The following LARGE1 variants were observed in gnomAD, a reference collection of about 807,000 sequenced individuals.
LARGE1 encodes the protein xylosyl- and glucuronyltransferase LARGE1.
LARGE1 carries 43 observed loss-of-function variants against 87.6 expected under a neutral mutation model. The observed-to-expected ratio is 0.49, with a 90% CI of 0.38 to 0.63. The LOEUF (loss-of-function observed/expected upper bound fraction) is 0.63, where lower values mean the gene tolerates loss of function less well. Among genes scored for constraint, LARGE1 ranks in the 30% least tolerant of loss-of-function variants. The pLI, the probability that LARGE1 is intolerant of heterozygous loss-of-function variation, is 0.00. For missense variants in LARGE1, 802 were observed against 1,000.2 expected, an observed-to-expected ratio of 0.80 and a Z score of 2.67; for synonymous variants, 434 against 394.6, an observed-to-expected ratio of 1.10 and a Z score of -1.18.
intron 11 of LARGE1, among the ~76,000 whole-genome samples, chr22:33,203,494 G>C (rs772947844): frequency 1.3e-5 from 2 of 152,164 alleles, no homozygotes; most frequent in Non-Finnish European, 2.9e-5. Context: ...TCGATTCCCA[G>C]GTGTGCCCAC....
intron 2 of LARGE1, among the ~76,000 whole-genome samples, chr22:33,687,357 C>A (rs907373172): frequency 1.3e-5 from 2 of 151,358 alleles, no homozygotes; most frequent in African/African-American, 4.9e-5. Context: ...CCATCCGATG[C>A]CTCAGTCTCC....
At chr22:33,503,662 G>A (rs903583802) in intron 6 of LARGE1, among the ~76,000 whole-genome samples, 4 of 151,642 alleles carry the variant, frequency 2.6e-5, no homozygotes, top group South Asian at 2.1e-4. Flanking sequence ...AGCTGGGTGC[G>A]GTCGTGGGTG....
At chr22:33,546,984 T>C (rs1364191094) in intron 6 of LARGE1, among the ~76,000 whole-genome samples, 1 of 152,238 alleles carries the variant, frequency 6.6e-6, no homozygotes, top group African/African-American at 2.4e-5. Context: ...GTGGAGATGG[T>C]TGTAATCTTG....
chr22:33,217,202 A>G (rs1925247356), intron 11 of LARGE1, among the ~76,000 whole-genome samples: 1 of 152,076 alleles, frequency 6.6e-6, no homozygotes, highest in South Asian at 2.1e-4. Flanking sequence ...AGAGTGAATA[A>G]ATAAATTATG....
At chr22:33,730,779 G>A (rs113308349) in intron 2 of LARGE1, among the ~76,000 whole-genome samples, 2,284 of 151,206 alleles carry the variant, frequency 0.015, 53 homozygotes, top group African/African-American at 0.053. Context: ...CAACCTCCGC[G>A]CCTCCCTGGT....
chr22:33,454,297 T>A (rs553881516), intron 6 of LARGE1, among the ~76,000 whole-genome samples: 1 of 152,114 alleles, frequency 6.6e-6, no homozygotes, highest in East Asian at 1.9e-4. Flanking sequence ...ATAAAAAAAA[T>A]GCCTGAGACT....
chr22:33,551,473 A>G (rs562793660), intron 6 of LARGE1, among the ~76,000 whole-genome samples: 1 of 152,168 alleles, frequency 6.6e-6, no homozygotes, highest in Non-Finnish European at 1.5e-5. Flanking sequence ...TATTAGTTCA[A>G]TTTGGCCTGT....
At chr22:33,590,071 A>T (rs1476637941) in intron 5 of LARGE1, among the ~76,000 whole-genome samples, 2 of 152,204 alleles carry the variant, frequency 1.3e-5, no homozygotes, top group Non-Finnish European at 2.9e-5. Flanking sequence ...CATTAACAAG[A>T]TGATTCATCT....
intron 2 of LARGE1, among the ~76,000 whole-genome samples, chr22:33,756,003 A>C (rs2084499370): frequency 6.6e-6 from 1 of 152,216 alleles, no homozygotes; most frequent in African/African-American, 2.4e-5. Context: ...AGGGAGGGTT[A>C]CAGAAAAAAG....
chr22:33,262,699 T>C (rs1448303181), intron 11 of LARGE1, among the ~76,000 whole-genome samples: 3 of 152,082 alleles, frequency 2.0e-5, no homozygotes, highest in Non-Finnish European at 4.4e-5. Context: ...AATGATCTCA[T>C]TCTCTTTCAG....
intron 7 of LARGE1, among the ~76,000 whole-genome samples, chr22:33,407,720 T>G (rs915351581): frequency 2.0e-5 from 3 of 152,154 alleles, no homozygotes; most frequent in African/African-American, 7.2e-5. Context: ...GACCATGCTT[T>G]CTGCTATGCT....
chr22:33,360,687 A>T (rs1342315719), intron 9 of LARGE1, among the ~76,000 whole-genome samples: 3 of 149,440 alleles, frequency 2.0e-5, no homozygotes, highest in African/African-American at 4.9e-5. Flanking sequence ...TTGGAGGGGG[A>T]CACAGATTTA....
intron 2 of LARGE1, chr22:33,743,045 C>T (rs5999080): frequency 0.25 from 37,232 of 151,782 alleles, 6,727 homozygotes; most frequent in African/African-American, 0.52. Flanking sequence ...GTTTAAAAAG[C>T]GTATGGCACC....
At chr22:33,508,719 C>A (rs1225838517) in intron 6 of LARGE1, among the ~76,000 whole-genome samples, 1 of 152,182 alleles carries the variant, frequency 6.6e-6, no homozygotes, top group African/African-American at 2.4e-5. Context: ...CCCAACAGAA[C>A]AATCTCATCC....
chr22:33,600,892 C>T (rs997066860), intron 5 of LARGE1, among the ~76,000 whole-genome samples: 1 of 152,088 alleles, frequency 6.6e-6, no homozygotes, highest in African/African-American at 2.4e-5. Context: ...TGGTGAAACC[C>T]CGTCTTTAAT....
At chr22:33,568,776 A>AAAAAAAT (rs2078106295) in intron 5 of LARGE1, among the ~76,000 whole-genome samples, 1 of 151,738 alleles carries the variant, frequency 6.6e-6, no homozygotes, top group Non-Finnish European at 1.5e-5. Flanking sequence ...CAAAAAAAAA[A>AAAAAAAT]AAAAAAAAAT....
At chr22:33,079,385 G>A in the LARGE1 span, among the ~76,000 whole-genome samples, 50 of 151,496 alleles carry the variant, frequency 3.3e-4, no homozygotes, top group Non-Finnish European at 2.9e-5. Flanking sequence ...CCGCCACCAC[G>A]CCCGGATAAT....
rs189614761 is a variant in LARGE1 at position 33,916,453 on chromosome 22, A to G, written c.-83+3542T>C. 3.8e-4 allele frequency among the ~76,000 whole-genome samples: 58 copies of G among 152,320 alleles called. No individual in the cohort carries two copies. In the East Asian group the frequency reaches 0.01, roughly 27 times the overall value. On this transcript the variant is annotated intron_variant, in intron 1 of 14. Transcript: ENST00000397394. ...AACGAAAAGATGAAAAGTCTTATAA[A>G]ATACATTTAACGAAGCCTTTCACTC...
chr22:33,912,882 C>A (rs946050468), intron 1 of LARGE1, among the ~76,000 whole-genome samples: 3 of 150,282 alleles, frequency 2.0e-5, no homozygotes, highest in Non-Finnish European at 4.4e-5. Flanking sequence ...CAGGCTGGAG[C>A]GCAATGGCTG....
Sources: gnomAD v4.1 joint callset for allele counts (sites outside exome capture counted in the v4.1 genomes callset) on GRCh38, gnomAD v4.1.1 for gene constraint, MANE v1.5 for transcripts, NCBI Gene and HGNC (gene_info 2026-07-23, HGNC 2026-07-21) for gene names.